Variants in SPRED3 observed in about 807,000 individuals in gnomAD.
SPRED3 encodes sprouty-related, EVH1 domain-containing protein 3.
Under a neutral mutation model 37.6 loss-of-function variants are expected in SPRED3, and 23 were observed. That is an observed-to-expected ratio of 0.61 (90% CI 0.44 to 0.87). The LOEUF (loss-of-function observed/expected upper bound fraction) is 0.87. Among genes scored for constraint, SPRED3 ranks in the 40% least tolerant of loss-of-function variants. SPRED3 has a pLI of 0.00. For synonymous variants in SPRED3, 302 were observed against 279.6 expected (o/e 1.08, Z -0.80); for missense variants, 584 against 618.6 (o/e 0.94, Z 0.59).
chr19:38,397,802 G>A lies in SPRED3; in HGVS notation c.*1657G>A, dbSNP rs555289603. On this transcript the variant is annotated 3_prime_UTR_variant, in exon 6 of 6. Coordinates refer to ENST00000691638, the MANE Select transcript of SPRED3 (RefSeq NM_001394336.1). ...GGACCACCCAGGGTGGGGCACAGTG[G>A]CTCATGCCTTGTAATCCCAGCACTT... is the stretch of plus-strand genomic sequence containing the variant. The A allele has an allele frequency of 1.4e-4, 21 of 152,386 alleles. No individual in the cohort carries two copies. In the East Asian group the frequency reaches 3.9e-3, roughly 28 times the overall value. 9.4% of individuals were successfully genotyped at this position (152,386 alleles called of 1,614,324 possible).
chr19:38,392,558 T>A (rs1295534640), intron 4 of SPRED3: 3 of 372,088 alleles, frequency 8.1e-6, no homozygotes, highest in Non-Finnish European at 1.4e-5. Flanking sequence ...AACAAAAAGT[T>A]CCTTTCCTCC....
rs575104379 is a variant in SPRED3 at position 38,391,863 on chromosome 19, A to G, written c.178-83A>G. The G allele has an allele frequency of 1.1e-3, 1,586 of 1,505,738 alleles. 1 individual carries two copies. The highest frequency in any genetic ancestry group is 1.3e-3 in the Non-Finnish European group (1,404 of 1,099,866). 93.3% of individuals were successfully genotyped at this position (1,505,738 alleles called of 1,614,324 possible). A position where few individuals can be genotyped will look rare whatever the true frequency, so the allele number is the denominator to read the frequency against. ...GAGGTTTGTGAGAAGACACTAGGGT[A>G]TGCATGGGGGCTGGTGATGGACGAG... is the stretch of plus-strand genomic sequence containing the variant. On this transcript the variant is annotated intron_variant, in intron 2 of 5. Coordinates refer to ENST00000691638, the MANE Select transcript of SPRED3 (RefSeq NM_001394336.1).
chr19:38,394,802 C>G lies in SPRED3; in HGVS notation c.567+16C>G, dbSNP rs1214824183. On this transcript the variant is annotated intron_variant, in intron 5 of 5. Coordinates refer to ENST00000691638, the MANE Select transcript of SPRED3 (RefSeq NM_001394336.1). ...CTCCGCTCAGGTGCGACCTGGGAGC[C>G]TGGGGCTCCTGGGGGAATGGGGCGG... 1 of 1,532,474 alleles carries G rather than the reference C, an allele frequency of 6.5e-7. No homozygotes were observed. Among genetic ancestry groups the G allele is most frequent in the South Asian group, 1.2e-5 (1 of 83,230 alleles). The allele number at this position is 1,532,474 out of a possible 1,614,324, so 94.9% of individuals were successfully genotyped here.
At position 38,394,629 on chromosome 19, in the gene SPRED3, C is replaced by T. The variant is rs986840929; in HGVS notation, c.424-14C>T. On this transcript the variant is annotated splice_polypyrimidine_tract_variant and intron_variant, in intron 4 of 5. Coordinates refer to ENST00000691638, the MANE Select transcript of SPRED3 (RefSeq NM_001394336.1). ...GGGGCGTGTCCCCGCGCTGAGGCCG[C>T]CAATCTCCTCCAGTCCCACGTGGAC... 3 of 1,585,900 alleles carry T rather than the reference C, an allele frequency of 1.9e-6. No homozygotes were observed. The highest frequency in any genetic ancestry group is 1.3e-5 in the African/African-American group (1 of 74,618).
intron 1 of SPRED3, 33 bp downstream of exon 1, chr19:38,388,840 TGACA>T (rs1970783346): frequency 5.0e-6 from 2 of 397,082 alleles, no homozygotes; most frequent in Non-Finnish European, 4.4e-6. Flanking sequence ...GGGCGGGGGC[TGACA>T]GACTGCCTGC....
chr19:38,394,434 T>A (rs1466222320), intron 4 of SPRED3: 1 of 1,508,108 alleles, frequency 6.6e-7, no homozygotes, highest in Non-Finnish European at 9.2e-7. Flanking sequence ...TAGGTACTCT[T>A]AGGATCCCCG....
In SPRED3 at chr19:38,390,423, G is replaced by C. The variant is rs750712741; in HGVS notation, c.121G>C (p.Gly41Arg). 23 of 1,404,162 alleles carry C rather than the reference G, an allele frequency of 1.6e-5. No individual in the cohort carries two copies. In the Admixed American group the frequency reaches 2.5e-4, roughly 15 times the overall value. 87.0% of individuals were successfully genotyped at this position (1,404,162 alleles called of 1,614,324 possible). A position where few individuals can be genotyped will look rare whatever the true frequency, so the allele number is the denominator to read the frequency against. Residue 41 changes from glycine (G) to arginine (R), a missense_variant, in exon 2 of 6, where the codon GGG becomes CGG. By Grantham distance (125) the Gly-to-Arg change is moderately radical. Around this residue, in one of 7 missense-constraint regions of SPRED3, gnomAD observed 88 missense variants for 77.0 expected, o/e 1.14. Transcript: ENST00000691638. The part of the protein sequence containing the change: ...VCRVRGARPE[G>R]GARQGHYVIH... Reference sequence around the variant, plus strand: ...TCGGGTCCGAGGGGCCAGGCCCGAGGGGGGGGCCCGCCAGGGGCACTACGT... The same window carrying C: ...TCGGGTCCGAGGGGCCAGGCCCGAGCGGGGGGCCCGCCAGGGGCACTACGT...
rs1336052187 is a variant in SPRED3, at chr19:38,390,189, C to T, written c.-4-110C>T. 8.1e-6 allele frequency: 9 copies of T among 1,104,884 alleles called. No individual in the cohort carries two copies. The East Asian group carries it at 1.2e-4, about 15-fold the overall frequency. 68.4% of individuals were successfully genotyped at this position (1,104,884 alleles called of 1,614,324 possible). A position where few individuals can be genotyped will look rare whatever the true frequency, so the allele number is the denominator to read the frequency against. ...TAGCTTAGGGTGCAGTGGACCTGGA[C>T]GTGAGAGATGAAGTTGGAGGGGAGA... is the stretch of plus-strand genomic sequence containing the variant. On this transcript the variant is annotated intron_variant, in intron 1 of 5. Transcript: ENST00000691638.
chr19:38,392,528 G>A (rs1423889106), intron 4 of SPRED3: 2 of 430,860 alleles, frequency 4.6e-6, no homozygotes, highest in Non-Finnish European at 4.0e-6. Flanking sequence ...CAGTGCTTTA[G>A]GCACTGGGTT....
At chr19:38,392,162 G>A (rs1429046039) in intron 3 of SPRED3, 48 bp downstream of exon 3, 1 of 1,608,560 alleles carries the variant, frequency 6.2e-7, no homozygotes, top group South Asian at 1.1e-5. Context: ...GGGAGCGGGA[G>A]GAGAAGCTGG....
chr19:38,395,911 G>T lies in SPRED3; in HGVS notation c.999G>T (p.Trp333Cys). Residue 333 changes from tryptophan (W) to cysteine (C), a missense_variant, in exon 6 of 6, where the codon TGG becomes TGT. Around this residue, in one of 7 missense-constraint regions of SPRED3, gnomAD observed 67 missense variants for 57.4 expected, o/e 1.17. Coordinates refer to ENST00000691638, the MANE Select transcript of SPRED3 (RefSeq NM_001394336.1). The surrounding 1 kb of genome is among the most constrained non-coding windows in gnomAD (Gnocchi z 5.2). ...TGGTGCGCCGTCTAAGCTGCCTGTGGTGCGCCGAGAGCTTGCTCTACCACT... is the reference window on the plus strand; with the variant it reads ...TGGTGCGCCGTCTAAGCTGCCTGTGTTGCGCCGAGAGCTTGCTCTACCACT... ...RLLVRRLSCL[W>C]CAESLLYHCL... The T allele has an allele frequency of 6.6e-7, 1 of 1,511,668 alleles. No homozygotes were observed. Among genetic ancestry groups the T allele is most frequent in the Non-Finnish European group, 8.8e-7 (1 of 1,139,256 alleles). The allele number at this position is 1,511,668 out of a possible 1,614,324, so 93.6% of individuals were successfully genotyped here.
In SPRED3 at chr19:38,394,943, A is replaced by G. The variant is rs569161910; in HGVS notation, c.567+157A>G. Among the ~76,000 whole-genome samples the G allele has an allele frequency of 7.2e-5, 11 of 152,302 alleles. No homozygotes were observed. In the South Asian group the frequency reaches 1.7e-3, roughly 23 times the overall value. On this transcript the variant is annotated intron_variant, in intron 5 of 5. Coordinates refer to ENST00000691638, the MANE Select transcript of SPRED3 (RefSeq NM_001394336.1). ...GACTGGGAGAAAGCGGCGGGGAAAT[A>G]GGGAGAGGCTTGGAGGCCTGGGTTT...
At chr19:38,393,716 G>A (rs1970860471) in intron 4 of SPRED3, among the ~76,000 whole-genome samples, 1 of 152,174 alleles carries the variant, frequency 6.6e-6, no homozygotes, top group Admixed American at 6.5e-5. Flanking sequence ...GTTTCTTGCT[G>A]TGTCTCCAAT....
chr19:38,398,203 C>T lies in SPRED3; in HGVS notation c.*2058C>T, dbSNP rs1970920787. On this transcript the variant is annotated 3_prime_UTR_variant, in exon 6 of 6. Transcript: ENST00000691638. ...AAGTCCCACCTTTTATGTTCTCCCC[C>T]TCCATTAACCCCTTCTCTTCCTATT... The T allele has an allele frequency of 6.6e-6, 1 of 152,232 alleles. No individual in the cohort carries two copies. 9.4% of individuals were successfully genotyped at this position (152,232 alleles called of 1,614,324 possible).
Position 38,391,262 on chromosome 19 carries a change from C to T in SPRED3, c.178-684C>T, listed in dbSNP as rs149351139. ...TCCCAGCCACTCATGAGTCTGAGGCCGGAGGAATGCTTGAGTCCAGAGTTT... is the reference window on the plus strand; with the variant it reads ...TCCCAGCCACTCATGAGTCTGAGGCTGGAGGAATGCTTGAGTCCAGAGTTT... On this transcript the variant is annotated intron_variant, in intron 2 of 5. Transcript: ENST00000691638. Among the ~76,000 whole-genome samples the T allele has an allele frequency of 1.2e-4, 17 of 147,294 alleles. No homozygotes were observed. The Admixed American group carries it at 1.2e-3, about 10-fold the overall frequency.
rs1970781513 is a variant in SPRED3 at position 38,388,777 on chromosome 19, C to G, written c.-35C>G. 2.5e-6 allele frequency: 1 copy of G among 398,104 alleles called. No individual in the cohort carries two copies. The highest frequency in any genetic ancestry group is 2.1e-5 in the African/African-American group (1 of 48,596). The allele number at this position is 398,104 out of a possible 1,614,324, so 24.7% of individuals were successfully genotyped here. ...AAGGAGGAGGAGGAGGCCGCGTCGC[C>G]GCCGCTCGGAGCCCGGCCGGAGCCT... On this transcript the variant is annotated 5_prime_UTR_variant, in exon 1 of 6. Coordinates refer to ENST00000691638, the MANE Select transcript of SPRED3 (RefSeq NM_001394336.1).
At position 38,395,447 on chromosome 19, in the gene SPRED3, G is replaced by T; in HGVS notation, c.568-33G>T. On this transcript the variant is annotated intron_variant, in intron 5 of 5. Coordinates refer to ENST00000691638, the MANE Select transcript of SPRED3 (RefSeq NM_001394336.1). This position sits in a 1 kb window ranked among gnomAD's most constrained non-coding sequence, Gnocchi z 5.2. ...GGATCCTTGAGGCTAAGACTGGGAT[G>T]GATTCTGATCTGTTTGTCCCTTCGT... 1 of 1,397,300 alleles carries T rather than the reference G, an allele frequency of 7.2e-7. No homozygotes were observed. The allele number at this position is 1,397,300 out of a possible 1,614,324, so 86.6% of individuals were successfully genotyped here.
chr19:38,390,948 C>T (rs981160171), intron 2 of SPRED3, among the ~76,000 whole-genome samples: 4 of 152,026 alleles, frequency 2.6e-5, no homozygotes, highest in African/African-American at 9.7e-5. Context: ...TACATGGGTT[C>T]ATCAGGAATA....
At chr19:38,388,956 C>T (rs556035185) in intron 1 of SPRED3, 149 bp downstream of exon 1, 2 of 393,374 alleles carry the variant, frequency 5.1e-6, no homozygotes, top group Non-Finnish European at 9.0e-6. Flanking sequence ...CCCCAAACTG[C>T]GCGGCAGCCA....
Sources: gnomAD v4.1 joint callset for allele counts (sites outside exome capture counted in the v4.1 genomes callset) on GRCh38, gnomAD v4.1.1 for gene constraint, gnomAD v4.1.1 regional missense constraint, Gnocchi (gnomAD v3.1) non-coding constraint, MANE v1.5 for transcripts, NCBI Gene and HGNC (gene_info 2026-07-23, HGNC 2026-07-21) for gene names.